The following RNF187 variants were observed in gnomAD, a reference collection of about 807,000 sequenced individuals.
The protein encoded by RNF187 is ring finger protein 187.
A neutral mutation model predicts 22.2 loss-of-function variants in RNF187; 18 were observed. That is an observed-to-expected ratio of 0.81 (90% CI 0.56 to 1.20). The LOEUF (loss-of-function observed/expected upper bound fraction) is 1.20. Ranked by LOEUF, RNF187 falls within the 50% of genes most tolerant of loss-of-function variation. The probability of loss-of-function intolerance (pLI) is 0.00; values close to 1 mark genes in which losing one functional copy is unlikely to be tolerated. For missense variants in RNF187, 329 were observed against 317.6 expected (o/e 1.04, Z -0.27); for synonymous variants, 164 against 140.9 (o/e 1.16, Z -1.16).
Position 228,494,750 on chromosome 1 carries a change from T to G in RNF187, c.*865T>G. The G allele has an allele frequency of 1.0e-6, 1 of 985,032 alleles. No individual in the cohort carries two copies. The highest frequency in any genetic ancestry group is 1.2e-6 in the Non-Finnish European group (1 of 829,900). 61.0% of individuals were successfully genotyped at this position (985,032 alleles called of 1,614,324 possible). A position where few individuals can be genotyped will look rare whatever the true frequency, so the allele number is the denominator to read the frequency against. On this transcript the variant is annotated 3_prime_UTR_variant, in exon 4 of 4. Coordinates refer to ENST00000305943, the MANE Select transcript of RNF187 (RefSeq NM_001010858.3). ...GCAGCATCCTTGTGTGTAGATAAAT[T>G]AGTCGACAGAAACTCAGCACTGGGG...
Position 228,493,176 on chromosome 1 carries a change from G to T in RNF187, c.607G>T (p.Glu203Ter), listed in dbSNP as rs764829313. ...GAAGGAGGAGGGGCTCCCTGAGGAC[G>T]AGCTGGCTGACCCCACTGAGCGGTT... is the stretch of plus-strand genomic sequence containing the variant. The change falls in exon 3 of 4, where the codon GAG becomes TAG. Residue 203 changes from glutamate to a stop codon, truncating the protein, a stop_gained. Coordinates refer to ENST00000305943, the MANE Select transcript of RNF187 (RefSeq NM_001010858.3). LOFTEE classifies it high-confidence loss of function. This position sits in a 1 kb window ranked among gnomAD's most constrained non-coding sequence, Gnocchi z 4.7. 2 of 1,551,746 alleles carry T rather than the reference G, an allele frequency of 1.3e-6. No homozygotes were observed. The highest frequency in any genetic ancestry group is 1.2e-5 in the South Asian group (1 of 84,052).
intron 1 of RNF187, 22 bp downstream of exon 1, chr1:228,487,900 GC>G: frequency 1.7e-6 from 2 of 1,197,974 alleles, no homozygotes; most frequent in Non-Finnish European, 2.1e-6. Flanking sequence ...GGGGTCCCGT[GC>G]CCCACCCCGG....
Position 228,496,091 on chromosome 1 carries a change from G to C in RNF187, c.*2206G>C. 2.0e-5 allele frequency among the ~76,000 whole-genome samples: 3 copies of C among 152,200 alleles called. No individual in the cohort carries two copies. The highest frequency in any genetic ancestry group is 4.4e-5 in the Non-Finnish European group (3 of 68,028). ...TTTATTCTTGTATAGCAGGGACTCT[G>C]TACCCTCTGACTAGAATTTCCCCAA... On this transcript the variant is annotated 3_prime_UTR_variant, in exon 4 of 4. Transcript: ENST00000305943.
In RNF187 at chr1:228,493,364, G is replaced by A; in HGVS notation, c.705+90G>A. ...TTGGGGGACCATTGCCCGAAGTCAA[G>A]GCTTAAAAGCCCAGCCTGACTCCCA... On this transcript the variant is annotated intron_variant, in intron 3 of 3. Transcript: ENST00000305943. This position sits in a 1 kb window ranked among gnomAD's most constrained non-coding sequence, Gnocchi z 4.7. 1 of 1,476,702 alleles carries A rather than the reference G, an allele frequency of 6.8e-7. No homozygotes were observed. Among genetic ancestry groups the A allele is most frequent in the Middle Eastern group, 2.5e-4 (1 of 4,054 alleles). 91.5% of individuals were successfully genotyped at this position (1,476,702 alleles called of 1,614,324 possible). A position where few individuals can be genotyped will look rare whatever the true frequency, so the allele number is the denominator to read the frequency against.
In RNF187 at chr1:228,495,534, C is replaced by T; in HGVS notation, c.*1649C>T. The stretch of plus-strand genomic sequence containing the variant: ...CAGTTTGTCTTTCTCACTGTCTCCG[C>T]CTGCTGCAGTCTGCTGTCATCCCTG... On this transcript the variant is annotated 3_prime_UTR_variant, in exon 4 of 4. Transcript: ENST00000305943. The T allele has an allele frequency of 1.0e-6, 1 of 985,508 alleles. No homozygotes were observed. Among genetic ancestry groups the T allele is most frequent in the Non-Finnish European group, 1.2e-6 (1 of 829,990 alleles). 61.0% of individuals were successfully genotyped at this position (985,508 alleles called of 1,614,324 possible).
chr1:228,494,952 T>A lies in RNF187; in HGVS notation c.*1067T>A. The A allele has an allele frequency of 5.1e-6, 5 of 985,540 alleles. No individual in the cohort carries two copies. The highest frequency in any genetic ancestry group is 6.0e-6 in the Non-Finnish European group (5 of 830,006). 61.0% of individuals were successfully genotyped at this position (985,540 alleles called of 1,614,324 possible). On this transcript the variant is annotated 3_prime_UTR_variant, in exon 4 of 4. Coordinates refer to ENST00000305943, the MANE Select transcript of RNF187 (RefSeq NM_001010858.3). ...GCGTGTGGGCTGGCTCAATGCTGAATAAAGTGGGTTTGTGTCAGCTCGTTT... is the reference window on the plus strand; with the variant it reads ...GCGTGTGGGCTGGCTCAATGCTGAAAAAAGTGGGTTTGTGTCAGCTCGTTT...
chr1:228,494,015 C>CGT lies in RNF187; in HGVS notation c.*133_*134dup. The stretch of plus-strand genomic sequence containing the variant: ...GGCCTTGGGTCCATCTACATAGTTG[C>CGT]GTGTTTCAACAATGTCCATTTATCC... On this transcript the variant is annotated 3_prime_UTR_variant, in exon 4 of 4. Coordinates refer to ENST00000305943, the MANE Select transcript of RNF187 (RefSeq NM_001010858.3). 27 of 1,547,094 alleles carry CGT rather than the reference C, an allele frequency of 1.7e-5. No homozygotes were observed. The highest frequency in any genetic ancestry group is 2.7e-5 in the African/African-American group (2 of 72,948).
intron 1 of RNF187, 24 bp from the exon 2 acceptor site, chr1:228,488,936 C>T: frequency 3.9e-6 from 6 of 1,545,644 alleles, no homozygotes; most frequent in Non-Finnish European, 8.8e-7. Context: ...CTGCCCACCC[C>T]TGGTGACCTT....
At chr1:228,489,322 T>C in intron 2 of RNF187, among the ~76,000 whole-genome samples, 1 of 152,186 alleles carries the variant, frequency 6.6e-6, no homozygotes, top group South Asian at 2.1e-4. Flanking sequence ...TCTTTTTTTT[T>C]TCCCAAGAGA....
Position 228,494,173 on chromosome 1 carries a change from T to A in RNF187, c.*288T>A. The A allele has an allele frequency of 7.2e-7, 1 of 1,388,252 alleles. No homozygotes were observed. The highest frequency in any genetic ancestry group is 9.3e-7 in the Non-Finnish European group (1 of 1,069,642). The allele number at this position is 1,388,252 out of a possible 1,614,324, so 86.0% of individuals were successfully genotyped here. On this transcript the variant is annotated 3_prime_UTR_variant, in exon 4 of 4. Transcript: ENST00000305943. ...CATCCTCCATGAGTCCCGGCAGCTC[T>A]GGGTCATGCCCTTCCCTGGTCACCC...
At chr1:228,491,431 G>A in intron 2 of RNF187, among the ~76,000 whole-genome samples, 1 of 150,238 alleles carries the variant, frequency 6.7e-6, no homozygotes, top group South Asian at 2.1e-4. Context: ...GGGTTAATGG[G>A]AGAAAAAACA....
chr1:228,493,921 A>T lies in RNF187; in HGVS notation c.*36A>T. ...CCGTGGCAGTCCCAGAGCTGGAGGC[A>T]GGAGGATGGATCCTCATCTCCATGG... On this transcript the variant is annotated 3_prime_UTR_variant, in exon 4 of 4. Transcript: ENST00000305943. The surrounding 1 kb of genome is among the most constrained non-coding windows in gnomAD (Gnocchi z 4.7). 6.4e-7 allele frequency: 1 copy of T among 1,551,718 alleles called. No individual in the cohort carries two copies. The highest frequency in any genetic ancestry group is 8.7e-7 in the Non-Finnish European group (1 of 1,146,978).
Position 228,494,046 on chromosome 1 carries a change from C to T in RNF187, c.*161C>T. Reference sequence around the variant, plus strand: ...TCAACAATGTCCATTTATCCTTCACCCCGAGGCGTGTTTTGGGGGCTGCAA... The same window carrying T: ...TCAACAATGTCCATTTATCCTTCACTCCGAGGCGTGTTTTGGGGGCTGCAA... On this transcript the variant is annotated 3_prime_UTR_variant, in exon 4 of 4. Transcript: ENST00000305943. 3.3e-6 allele frequency: 5 copies of T among 1,529,028 alleles called. No homozygotes were observed. The highest frequency in any genetic ancestry group is 4.4e-6 in the Non-Finnish European group (5 of 1,137,050). The allele number at this position is 1,529,028 out of a possible 1,614,324, so 94.7% of individuals were successfully genotyped here.
chr1:228,493,527 G>A lies in RNF187; in HGVS notation c.705+253G>A. ...AGGGCACTTGGCATCCCGAGTGCCC[G>A]AGCATGGAAGGCTCCTGCCTCGCCC... On this transcript the variant is annotated intron_variant, in intron 3 of 3. Transcript: ENST00000305943. This position sits in a 1 kb window ranked among gnomAD's most constrained non-coding sequence, Gnocchi z 4.7. Among the ~76,000 whole-genome samples, 4 of 152,354 alleles carry A rather than the reference G, an allele frequency of 2.6e-5. No individual in the cohort carries two copies. Among genetic ancestry groups the A allele is most frequent in the African/African-American group, 9.6e-5 (4 of 41,590 alleles).
chr1:228,493,886 T>C lies in RNF187; in HGVS notation c.*1T>C. The C allele has an allele frequency of 1.3e-6, 2 of 1,551,652 alleles. No individual in the cohort carries two copies. The highest frequency in any genetic ancestry group is 2.7e-5 in the African/African-American group (2 of 73,050). ...TTCCCTCTCCCCTCCCATGCAGTGA[T>C]GGCGCCAACCCGTGGCAGTCCCAGA... On this transcript the variant is annotated 3_prime_UTR_variant, in exon 4 of 4. Coordinates refer to ENST00000305943, the MANE Select transcript of RNF187 (RefSeq NM_001010858.3). The surrounding 1 kb of genome is among the most constrained non-coding windows in gnomAD (Gnocchi z 4.7).
chr1:228,487,857 G>GAGGA lies in RNF187; in HGVS notation c.373_376dup (p.Ala126GlufsTer21). 1 of 1,231,276 alleles carries GAGGA rather than the reference G, an allele frequency of 8.1e-7. No individual in the cohort carries two copies. The highest frequency in any genetic ancestry group is 1.0e-6 in the Non-Finnish European group (1 of 981,726). 76.3% of individuals were successfully genotyped at this position (1,231,276 alleles called of 1,614,324 possible). On this transcript the variant is annotated frameshift_variant, in exon 1 of 4. Coordinates refer to ENST00000305943, the MANE Select transcript of RNF187 (RefSeq NM_001010858.3). LOFTEE classifies it high-confidence loss of function. ...AGCCGCCCGAGTGGGAACCGCGCTG[G>GAGGA]AGGAAGGCGCTGCGCGGCAAGGTGC...
chr1:228,490,765 G>A, intron 2 of RNF187, among the ~76,000 whole-genome samples: 1 of 152,254 alleles, frequency 6.6e-6, no homozygotes, highest in African/African-American at 2.4e-5. Context: ...TGCAAGGTTA[G>A]GAGTTGGCTG....
chr1:228,489,161 G>A, intron 2 of RNF187, 109 bp downstream of exon 2: 5 of 842,224 alleles, frequency 5.9e-6, no homozygotes, highest in Middle Eastern at 3.4e-4. Flanking sequence ...TGCTCAGCTG[G>A]TTGGTTGGAG....
Position 228,493,085 on chromosome 1 carries a change from G to T in RNF187, c.516G>T (p.Leu172=). 1 of 1,551,350 alleles carries T rather than the reference G, an allele frequency of 6.4e-7. No individual in the cohort carries two copies. Among genetic ancestry groups the T allele is most frequent in the South Asian group, 1.2e-5 (1 of 84,032 alleles). ...TGATGGACCGTAGGAAGAAGGCACT[G>T]ACCGACTACAAGAAGCTGCGGGCCT... Residue 172 remains leucine, a synonymous_variant, in exon 3 of 4, where the codon CTG becomes CTT. Transcript: ENST00000305943. The surrounding 1 kb of genome is among the most constrained non-coding windows in gnomAD (Gnocchi z 4.7).
Sources: gnomAD v4.1 joint callset for allele counts (sites outside exome capture counted in the v4.1 genomes callset) on GRCh38, gnomAD v4.1.1 for gene constraint, Gnocchi (gnomAD v3.1) non-coding constraint, MANE v1.5 for transcripts, NCBI Gene and HGNC (gene_info 2026-07-23, HGNC 2026-07-21) for gene names.